DENND11: variants seen among roughly 807,000 people sequenced by gnomAD.
The protein encoded by DENND11 is DENN domain-containing protein 11.
In DENND11, 34 loss-of-function variants were observed where a neutral mutation model predicts 49.2. That is an observed-to-expected ratio of 0.69 (90% confidence interval 0.53 to 0.92). The LOEUF (loss-of-function observed/expected upper bound fraction) is 0.92. Ranked by LOEUF, DENND11 falls within the 40% of genes least tolerant of loss-of-function variation. DENND11 has a pLI of 0.00. For missense variants in DENND11, 475 were observed against 581.6 expected (o/e 0.82, Z 1.88); for synonymous variants, 238 against 230.3 (o/e 1.03, Z -0.30).
At chr7:141,670,849 A>T (rs1562997119) in intron 4 of DENND11, among the ~76,000 whole-genome samples, 1 of 152,208 alleles carries the variant, frequency 6.6e-6, no homozygotes, top group Non-Finnish European at 1.5e-5. Flanking sequence ...GTATCTGTAT[A>T]TGGGAGGAAC....
At position 141,701,967 on chromosome 7, in the gene DENND11, G is replaced by A; in HGVS notation, c.187C>T (p.Gln63Ter). The A allele has an allele frequency of 8.5e-7, 1 of 1,175,974 alleles. No homozygotes were observed. Among genetic ancestry groups the A allele is most frequent in the Non-Finnish European group, 1.0e-6 (1 of 952,758 alleles). The allele number at this position is 1,175,974 out of a possible 1,614,324, so 72.8% of individuals were successfully genotyped here. Residue 63 changes from glutamine (Q) to a stop codon, truncating the protein, a stop_gained, in exon 1 of 9, where the codon CAG becomes TAG. Transcript: ENST00000536163. LOFTEE classifies it high-confidence loss of function. ...TCGCCCAGCTCCAGGCGCCCGGGCT[G>A]CAGCAGCACCTCCGGGGCGGCCGGC... ...EEPAAPEVLL[Q>*]PGRLELGDVE...
rs1798243573 is a variant in DENND11, at chr7:141,686,421, A to G, written c.368+138T>C. 3 of 627,148 alleles carry G rather than the reference A, an allele frequency of 4.8e-6. No individual in the cohort carries two copies. The South Asian group carries it at 5.9e-5, about 12-fold the overall frequency. 38.8% of individuals were successfully genotyped at this position (627,148 alleles called of 1,614,324 possible). ...GACATCTCACTAGAAAAATGATGTA[A>G]ACACAAAACTATCCATGTATTTTCA... On this transcript the variant is annotated intron_variant, in intron 2 of 8. Coordinates refer to ENST00000536163, the MANE Select transcript of DENND11 (RefSeq NM_001080392.2).
intron 3 of DENND11, 43 bp from the exon 4 acceptor site, chr7:141,674,263 A>AGAACC: frequency 6.7e-7 from 1 of 1,498,676 alleles, no homozygotes; most frequent in Non-Finnish European, 8.9e-7. Context: ...ACACACAGTG[A>AGAACC]GAACAGCCCT....
At chr7:141,698,168 C>T (rs1798445901) in intron 1 of DENND11, among the ~76,000 whole-genome samples, 1 of 152,214 alleles carries the variant, frequency 6.6e-6, no homozygotes, top group East Asian at 1.9e-4. Context: ...TCATCGGCCT[C>T]CATCCTGCCC....
At chr7:141,701,676 G>A in intron 1 of DENND11, 1 of 303,890 alleles carries the variant, frequency 3.3e-6, no homozygotes, top group Non-Finnish European at 5.8e-6. Flanking sequence ...CCGAGAGGCC[G>A]CGCGCCAGCA....
intron 1 of DENND11, among the ~76,000 whole-genome samples, chr7:141,695,566 T>A (rs1487007363): frequency 6.6e-6 from 1 of 152,234 alleles, no homozygotes; most frequent in Non-Finnish European, 1.5e-5. Flanking sequence ...TGCCATTTAA[T>A]ACCAGAAAGA....
intron 2 of DENND11, among the ~76,000 whole-genome samples, chr7:141,685,862 C>T (rs1346344507): frequency 2.6e-5 from 4 of 152,148 alleles, no homozygotes; most frequent in African/African-American, 7.2e-5. Context: ...GCAAGCCTGC[C>T]GCTCAGCTGC....
rs201362256 is a variant in DENND11, at chr7:141,664,923, G to C, written c.1084C>G (p.Arg362Gly). ...KINSADREKY[R>G]RLNEQRQMLL... The stretch of plus-strand genomic sequence containing the variant: ...CACTACCTCTGCTCGTTGAGCCGGC[G>C]GTACTTCTCCCTGTCAGCACTGTTG... The change falls in exon 7 of 9, where the codon CGC becomes GGC. Residue 362 changes from arginine (R) to glycine (G), a missense_variant. By Grantham distance (125) the Arg-to-Gly change is moderately radical. Transcript: ENST00000536163. 8 of 1,612,504 alleles carry C rather than the reference G, an allele frequency of 5.0e-6. No individual in the cohort carries two copies. The highest frequency in any genetic ancestry group is 1.3e-5 in the African/African-American group (1 of 74,902).
intron 3 of DENND11, among the ~76,000 whole-genome samples, chr7:141,674,922 G>GC (rs577402739): frequency 6.6e-6 from 1 of 152,066 alleles, no homozygotes; most frequent in Admixed American, 6.5e-5. Flanking sequence ...GGAGAATCCT[G>GC]CCCCCCAGTG....
chr7:141,669,883 C>T (rs190820555), intron 4 of DENND11, among the ~76,000 whole-genome samples: 2,158 of 142,072 alleles, frequency 0.015, 56 homozygotes, highest in African/African-American at 0.053. Flanking sequence ...AATCTCGGCT[C>T]ACTGCAGGCT....
intron 5 of DENND11, 122 bp downstream of exon 5, chr7:141,666,165 G>T: frequency 9.2e-7 from 1 of 1,085,446 alleles, no homozygotes; most frequent in Non-Finnish European, 1.3e-6. Context: ...TCACTCCCGG[G>T]CTTAAAACCC....
chr7:141,671,408 C>T (rs1301526861), intron 4 of DENND11, among the ~76,000 whole-genome samples: 1 of 152,202 alleles, frequency 6.6e-6, no homozygotes, highest in African/African-American at 2.4e-5. Context: ...AACTCTCGAC[C>T]TCAAGTGATC....
chr7:141,678,352 C>T (rs897603909), intron 3 of DENND11, among the ~76,000 whole-genome samples: 3 of 152,120 alleles, frequency 2.0e-5, no homozygotes, highest in Admixed American at 6.5e-5. Context: ...TGGTATAAAA[C>T]GAAATGTTAA....
At chr7:141,662,905 A>C in intron 8 of DENND11, 54 bp from the exon 9 acceptor site, 258 of 1,372,056 alleles carry the variant, frequency 1.9e-4, no homozygotes, top group Non-Finnish European at 2.3e-4. Flanking sequence ...TAAAAAGCTC[A>C]CCAGATAATC....
intron 1 of DENND11, among the ~76,000 whole-genome samples, chr7:141,698,913 C>T (rs1351195023): frequency 3.3e-5 from 5 of 151,666 alleles, no homozygotes. Context: ...GCACATAATG[C>T]CATGGCCTGG....
At position 141,662,585 on chromosome 7, in the gene DENND11, CTG is replaced by C; in HGVS notation, c.*69_*70del. Reference sequence around the variant, plus strand: ...TCAACTTAATAAAAAATGAGGCCCTCTGGGGCCCTGGGGTGAACTCCGGGCTG... The same window carrying C: ...TCAACTTAATAAAAAATGAGGCCCTCGGGCCCTGGGGTGAACTCCGGGCTG... On this transcript the variant is annotated 3_prime_UTR_variant, in exon 9 of 9. Coordinates refer to ENST00000536163, the MANE Select transcript of DENND11 (RefSeq NM_001080392.2). 8.5e-7 allele frequency: 1 copy of C among 1,174,036 alleles called. No individual in the cohort carries two copies. Among genetic ancestry groups the C allele is most frequent in the South Asian group, 1.9e-5 (1 of 53,674 alleles). The allele number at this position is 1,174,036 out of a possible 1,614,324, so 72.7% of individuals were successfully genotyped here. A position where few individuals can be genotyped will look rare whatever the true frequency, so the allele number is the denominator to read the frequency against.
chr7:141,671,247 G>A (rs2117057970), intron 4 of DENND11, among the ~76,000 whole-genome samples: 1 of 152,234 alleles, frequency 6.6e-6, no homozygotes, highest in Non-Finnish European at 1.5e-5. Context: ...TGCGATGTTG[G>A]CTCACTGCAA....
intron 1 of DENND11, among the ~76,000 whole-genome samples, chr7:141,692,325 C>T (rs972720971): frequency 1.3e-5 from 2 of 152,078 alleles, no homozygotes; most frequent in African/African-American, 4.8e-5. Context: ...CCCAAATAGC[C>T]AACATAATAC....
rs1797709965 is a variant in DENND11, at chr7:141,657,254, A to G, written c.*5402T>C. 6.6e-6 allele frequency: 1 copy of G among 152,330 alleles called. No individual in the cohort carries two copies. The allele number at this position is 152,330 out of a possible 1,614,324, so 9.4% of individuals were successfully genotyped here. On this transcript the variant is annotated 3_prime_UTR_variant, in exon 9 of 9. Transcript: ENST00000536163. ...CAACAAGTTTTGGGTAAATAAAGGAAATTCATTTTGCTTTCCTCTGCTCTG... is the reference window on the plus strand; with the variant it reads ...CAACAAGTTTTGGGTAAATAAAGGAGATTCATTTTGCTTTCCTCTGCTCTG...
Sources: allele counts gnomAD v4.1 joint callset (sites outside exome capture counted in the v4.1 genomes callset), GRCh38; gene constraint gnomAD v4.1.1; transcripts MANE v1.5; gene names NCBI Gene and HGNC (gene_info 2026-07-23, HGNC 2026-07-21).